Variants in NNT observed in about 807,000 individuals in gnomAD.
The protein encoded by NNT is NAD(P) transhydrogenase, mitochondrial.
In NNT, 50 loss-of-function variants were observed where a neutral mutation model predicts 104.8. The ratio of observed to expected loss-of-function variants is 0.48; its 90% CI spans 0.38 to 0.60. The LOEUF is 0.60. Among genes scored for constraint, NNT ranks in the 20% least tolerant of loss-of-function variants. The pLI, the probability that NNT is intolerant of heterozygous loss-of-function variation, is 0.00. For missense variants in NNT, 1,131 were observed against 1,330.7 expected, an observed-to-expected ratio of 0.85 and a Z score of 2.33; for synonymous variants, 461 against 490.4, an observed-to-expected ratio of 0.94 and a Z score of 0.79.
At chr5:43,667,028 C>A (rs1740739718) in intron 17 of NNT, 6 of 1,596,802 alleles carry the variant, frequency 3.8e-6, no homozygotes, top group African/African-American at 2.7e-5. Context: ...ATAGCCTGGG[C>A]ACGTGCACTC....
chr5:43,680,052 A>G (rs1741620118), intron 19 of NNT, among the ~76,000 whole-genome samples: 1 of 151,940 alleles, frequency 6.6e-6, no homozygotes, highest in Non-Finnish European at 1.5e-5. Context: ...GAACTTTGTA[A>G]CAAATTATGT....
intron 19 of NNT, among the ~76,000 whole-genome samples, chr5:43,697,231 A>G (rs944994726): frequency 1.3e-5 from 2 of 152,200 alleles, no homozygotes; most frequent in Non-Finnish European, 1.5e-5. Flanking sequence ...CATCTCACTC[A>G]AGTTCAAAGT....
At chr5:43,683,702 A>T (rs1741837970) in intron 19 of NNT, among the ~76,000 whole-genome samples, 1 of 152,238 alleles carries the variant, frequency 6.6e-6, no homozygotes, top group Non-Finnish European at 1.5e-5. Context: ...ATTTAATAGC[A>T]TCATAAAAAT....
intron 5 of NNT, among the ~76,000 whole-genome samples, chr5:43,622,622 G>A (rs1056498822): frequency 1.3e-5 from 2 of 152,056 alleles, no homozygotes; most frequent in Admixed American, 1.3e-4. Context: ...TAAGTGCTTC[G>A]GTTAGATTCC....
intron 5 of NNT, 85 bp downstream of exon 5, chr5:43,619,204 A>C (rs913939244): frequency 1.4e-5 from 9 of 657,380 alleles, no homozygotes; most frequent in Non-Finnish European, 2.1e-5. Flanking sequence ...GTTATTTAAA[A>C]ATTTTTATAT....
intron 19 of NNT, among the ~76,000 whole-genome samples, chr5:43,679,759 G>C (rs1267715750): frequency 6.6e-6 from 1 of 152,068 alleles, no homozygotes; most frequent in African/African-American, 2.4e-5. Flanking sequence ...ATACATATAT[G>C]AATAGTTTTT....
At chr5:43,658,027 C>T (rs1043698324) in intron 16 of NNT, among the ~76,000 whole-genome samples, 4 of 151,758 alleles carry the variant, frequency 2.6e-5, no homozygotes, top group East Asian at 3.9e-4. Flanking sequence ...CCCAGCTGCT[C>T]GGGAGACTGA....
chr5:43,642,983 G>A (rs946674795), intron 7 of NNT, among the ~76,000 whole-genome samples: 1 of 152,148 alleles, frequency 6.6e-6, no homozygotes, highest in Non-Finnish European at 1.5e-5. Context: ...GGAGTGCAGT[G>A]GTGCAAAAAT....
chr5:43,636,293 A>G (rs955948713), intron 7 of NNT, among the ~76,000 whole-genome samples: 5 of 152,190 alleles, frequency 3.3e-5, no homozygotes, highest in African/African-American at 1.2e-4. Flanking sequence ...TTTTGCAATA[A>G]AAGTCCAGAC....
At chr5:43,637,090 T>C (rs932669877) in intron 7 of NNT, among the ~76,000 whole-genome samples, 1 of 152,164 alleles carries the variant, frequency 6.6e-6, no homozygotes, top group African/African-American at 2.4e-5. Context: ...TTTCCTGTGG[T>C]TCCAGGGATA....
At chr5:43,660,643 A>G (rs1740305418) in intron 17 of NNT, among the ~76,000 whole-genome samples, 1 of 152,234 alleles carries the variant, frequency 6.6e-6, no homozygotes, top group Non-Finnish European at 1.5e-5. Flanking sequence ...AACAGGAAGC[A>G]TGACTGTGAG....
intron 17 of NNT, chr5:43,666,633 A>T: frequency 4.6e-6 from 2 of 436,458 alleles, no homozygotes; most frequent in Admixed American, 3.5e-5. Flanking sequence ...AGGGAGATCT[A>T]TTTTTTTTTT....
rs1402046464 is a variant in NNT, at chr5:43,707,066, A to C, written c.*2662A>C. ...GCACACCAACATGGCACATGTATAC[A>C]TATGTAGCAAACCTGCACGTTGTGC... On this transcript the variant is annotated 3_prime_UTR_variant, in exon 22 of 22. Transcript: ENST00000344920. 6.6e-6 allele frequency: 1 copy of C among 152,092 alleles called. No homozygotes were observed. Among genetic ancestry groups the C allele is most frequent in the Non-Finnish European group, 1.5e-5 (1 of 68,028 alleles). 9.4% of individuals were successfully genotyped at this position (152,092 alleles called of 1,614,324 possible). A position where few individuals can be genotyped will look rare whatever the true frequency, so the allele number is the denominator to read the frequency against.
chr5:43,699,275 T>A, intron 19 of NNT, among the ~76,000 whole-genome samples: 1 of 151,888 alleles, frequency 6.6e-6, no homozygotes, highest in Non-Finnish European at 1.5e-5. Context: ...TTCTGTGATG[T>A]GGAGTAGTAT....
intron 15 of NNT, 98 bp downstream of exon 15, chr5:43,656,171 A>G (rs2111937093): frequency 2.9e-6 from 3 of 1,045,100 alleles, no homozygotes; most frequent in South Asian, 1.5e-5. Flanking sequence ...GGCTGGGCGC[A>G]ATGGCTCATG....
intron 4 of NNT, among the ~76,000 whole-genome samples, 154 bp from the exon 5 acceptor site, chr5:43,618,878 A>T (rs1561266832): frequency 1.3e-5 from 2 of 152,226 alleles, no homozygotes; most frequent in Non-Finnish European, 2.9e-5. Flanking sequence ...GTGTATATAC[A>T]ACACTTAGAA....
chr5:43,627,346 T>C (rs560170695), intron 6 of NNT, among the ~76,000 whole-genome samples: 82 of 152,366 alleles, frequency 5.4e-4, no homozygotes, highest in African/African-American at 1.9e-3. Flanking sequence ...CAAACTTCCC[T>C]GATGACAAGG....
chr5:43,682,230 T>TG (rs1741758799), intron 19 of NNT, among the ~76,000 whole-genome samples: 1 of 141,040 alleles, frequency 7.1e-6, no homozygotes, highest in Non-Finnish European at 1.5e-5. Context: ...TTTTTTTTTT[T>TG]GTTGGAATCT....
chr5:43,682,967 C>T (rs1741799256), intron 19 of NNT, among the ~76,000 whole-genome samples: 6 of 152,076 alleles, frequency 3.9e-5, no homozygotes, highest in Admixed American at 3.9e-4. Context: ...CATTTGTCTC[C>T]CAATTTCAAT....
Sources: allele counts gnomAD v4.1 joint callset (sites outside exome capture counted in the v4.1 genomes callset), GRCh38; gene constraint gnomAD v4.1.1; transcripts MANE v1.5; gene names NCBI Gene and HGNC (gene_info 2026-07-23, HGNC 2026-07-21).